The following SENP7 variants were observed in gnomAD, a reference collection of about 807,000 sequenced individuals.
SENP7 encodes sentrin-specific protease 7.
Under a neutral mutation model 141.2 loss-of-function variants are expected in SENP7, and 64 were observed. The observed-to-expected ratio is 0.45, with a 90% CI of 0.37 to 0.56. SENP7 has a LOEUF of 0.56. SENP7 is among the 20% of genes least tolerant of loss of function. The pLI is 0.00. For missense variants in SENP7, 1,025 were observed against 1,212.2 expected (o/e 0.85, Z 2.29); for synonymous variants, 382 against 426.4 (o/e 0.90, Z 1.28).
At chr3:101,404,614 A>G (rs1296631228) in intron 5 of SENP7, among the ~76,000 whole-genome samples, 1 of 152,212 alleles carries the variant, frequency 6.6e-6, no homozygotes, top group African/African-American at 2.4e-5. Flanking sequence ...AGCAAAAGAA[A>G]CTATCATTAG....
At chr3:101,385,601 C>T (rs1276910857) in intron 6 of SENP7, among the ~76,000 whole-genome samples, 1 of 152,214 alleles carries the variant, frequency 6.6e-6, no homozygotes, top group African/African-American at 2.4e-5. Context: ...CCCTCTCCAT[C>T]TAAGACAATT....
intron 13 of SENP7, among the ~76,000 whole-genome samples, chr3:101,347,100 T>C (rs979830356): frequency 1.3e-5 from 2 of 151,850 alleles, no homozygotes; most frequent in African/African-American, 2.4e-5. Context: ...TGCACCCCTG[T>C]AGTCCCAGCT....
At chr3:101,456,926 C>T (rs1337998011) in intron 4 of SENP7, among the ~76,000 whole-genome samples, 2 of 151,736 alleles carry the variant, frequency 1.3e-5, no homozygotes, top group Non-Finnish European at 2.9e-5. Context: ...TGCGCCTGGC[C>T]TTAATGATAT....
intron 4 of SENP7, among the ~76,000 whole-genome samples, chr3:101,458,242 T>C (rs1283811143): frequency 6.6e-6 from 1 of 152,236 alleles, no homozygotes. Flanking sequence ...AAGTAGTTTA[T>C]AGAAGTACTT....
chr3:101,402,247 T>C (rs933107808), intron 5 of SENP7, among the ~76,000 whole-genome samples: 2 of 152,118 alleles, frequency 1.3e-5, no homozygotes, highest in Non-Finnish European at 2.9e-5. Context: ...CTGACTCTCT[T>C]GTTAGGGGCT....
chr3:101,343,848 T>C lies in SENP7; in HGVS notation c.1944A>G (p.Glu648=), dbSNP rs755830593. 1 of 1,613,908 alleles carries C rather than the reference T, an allele frequency of 6.2e-7. No homozygotes were observed. The highest frequency in any genetic ancestry group is 8.5e-7 in the Non-Finnish European group (1 of 1,179,864). ...IMTEISIISG[E]LELSYPLSWV... is the part of the protein sequence containing the mutation. Reference sequence around the variant, plus strand: ...AAGACAACGGGTAAGAAAGCTCTAATTCTCCACTGATTATACTTATTTCCG... The same window carrying C: ...AAGACAACGGGTAAGAAAGCTCTAACTCTCCACTGATTATACTTATTTCCG... The change falls in exon 14 of 24, where the codon GAA becomes GAG. Residue 648 remains glutamate (E), a synonymous_variant. Coordinates refer to ENST00000394095, the MANE Select transcript of SENP7 (RefSeq NM_020654.5).
At position 101,325,361 on chromosome 3, in the gene SENP7, G is replaced by T. The variant is rs1303385313; in HGVS notation, c.*582C>A. On this transcript the variant is annotated 3_prime_UTR_variant, in exon 24 of 24. Transcript: ENST00000394095. ...GAGAATAATAAGCTGCACTTTAAAA[G>T]AGCGAATTTTTATCATCTTCCTAAC... The T allele has an allele frequency of 6.6e-6, 1 of 151,808 alleles. No homozygotes were observed. Among genetic ancestry groups the T allele is most frequent in the Non-Finnish European group, 1.5e-5 (1 of 67,882 alleles). The allele number at this position is 151,808 out of a possible 1,614,324, so 9.4% of individuals were successfully genotyped here.
intron 11 of SENP7, among the ~76,000 whole-genome samples, chr3:101,360,936 G>A (rs2059880228): frequency 1.3e-5 from 2 of 152,112 alleles, no homozygotes; most frequent in Admixed American, 1.3e-4. Context: ...GGGCACAGTG[G>A]CTCACACCTG....
rs529940573 is a variant in SENP7 at position 101,445,405 on chromosome 3, G to A, written c.284+13550C>T. Among the ~76,000 whole-genome samples, 6 of 151,894 alleles carry A rather than the reference G, an allele frequency of 4.0e-5. No individual in the cohort carries two copies. In the South Asian group the frequency reaches 6.3e-4, roughly 16 times the overall value. ...CACAAAAGTATAAAACTAACTGGAA[G>A]AGCAGACACAAATGAGAGAGAGGAA... On this transcript the variant is annotated intron_variant, in intron 4 of 23. Coordinates refer to ENST00000394095, the MANE Select transcript of SENP7 (RefSeq NM_020654.5).
rs548973702 is a variant in SENP7, at chr3:101,341,210, G to A, written c.2240+436C>T. On this transcript the variant is annotated intron_variant, in intron 15 of 23. Coordinates refer to ENST00000394095, the MANE Select transcript of SENP7 (RefSeq NM_020654.5). ...ACTCCATATTCTTCCTTAGCACCAT[G>A]AGAAGACATGGATGAAATATGAACA... Among the ~76,000 whole-genome samples the A allele has an allele frequency of 4.4e-4, 67 of 152,266 alleles. 2 individuals are homozygous for A. The South Asian group carries it at 0.012, about 26-fold the overall frequency.
chr3:101,359,044 T>C (rs2059821448), intron 11 of SENP7: 3 of 151,484 alleles, frequency 2.0e-5, no homozygotes, highest in Non-Finnish European at 4.4e-5. Flanking sequence ...TTGCAATACA[T>C]TAAAAAAAAA....
At position 101,399,023 on chromosome 3, in the gene SENP7, C is replaced by A; in HGVS notation, c.515G>T (p.Gly172Val). ...IPRVILTNVL[G>V]TELGRKYIRT... ...TATGTATTTTCTTCCTAACTCCGTTCCCAGGACATTCGTCAATATAACTCT... is the reference window on the plus strand; with the variant it reads ...TATGTATTTTCTTCCTAACTCCGTTACCAGGACATTCGTCAATATAACTCT... The change falls in exon 6 of 24, where the codon GGA (glycine) becomes GTA (valine). Residue 172 changes from glycine to valine, a missense_variant. Transcript: ENST00000394095. 6.2e-7 allele frequency: 1 copy of A among 1,612,660 alleles called. No individual in the cohort carries two copies. Among genetic ancestry groups the A allele is most frequent in the South Asian group, 1.1e-5 (1 of 90,902 alleles).
chr3:101,392,055 GAAGT>G (rs2060831732), intron 6 of SENP7, among the ~76,000 whole-genome samples: 1 of 152,092 alleles, frequency 6.6e-6, no homozygotes, highest in Admixed American at 6.6e-5. Context: ...AATAGGCACA[GAAGT>G]AACACACTGC....
chr3:101,385,835 A>G (rs2060638056), intron 6 of SENP7, among the ~76,000 whole-genome samples: 1 of 152,226 alleles, frequency 6.6e-6, no homozygotes, highest in African/African-American at 2.4e-5. Flanking sequence ...CAAAACTGTA[A>G]AAACTAAAAA....
chr3:101,482,792 C>A (rs1176078177), intron 3 of SENP7, among the ~76,000 whole-genome samples: 1 of 151,442 alleles, frequency 6.6e-6, no homozygotes, highest in Non-Finnish European at 1.5e-5. Context: ...ACATACAGCC[C>A]AAAAATAGAC....
chr3:101,334,474 T>G (rs1420853886), intron 17 of SENP7, among the ~76,000 whole-genome samples: 1 of 152,016 alleles, frequency 6.6e-6, no homozygotes, highest in East Asian at 1.9e-4. Context: ...TATAGGAAAC[T>G]GAAATCATTG....
chr3:101,415,582 T>C (rs926178627), intron 5 of SENP7, among the ~76,000 whole-genome samples: 7 of 152,194 alleles, frequency 4.6e-5, no homozygotes, highest in African/African-American at 1.4e-4. Context: ...AATGAAAGCC[T>C]AAACCTAGCA....
chr3:101,452,686 C>T (rs1371552675), intron 4 of SENP7, among the ~76,000 whole-genome samples: 1 of 152,190 alleles, frequency 6.6e-6, no homozygotes, highest in South Asian at 2.1e-4. Flanking sequence ...AACTGGATCC[C>T]TTCCTTACAC....
intron 1 of SENP7, among the ~76,000 whole-genome samples, chr3:101,510,458 TTTA>T (rs2065804680): frequency 6.6e-6 from 1 of 152,204 alleles, no homozygotes; most frequent in African/African-American, 2.4e-5. Flanking sequence ...AATTTTGTGT[TTTA>T]TTTTATCTTT....
Sources: allele counts gnomAD v4.1 joint callset (sites outside exome capture counted in the v4.1 genomes callset), GRCh38; gene constraint gnomAD v4.1.1; transcripts MANE v1.5; gene names NCBI Gene and HGNC (gene_info 2026-07-23, HGNC 2026-07-21).